SPIDR: variants seen among roughly 807,000 people sequenced by gnomAD.
SPIDR encodes DNA repair-scaffolding protein.
In SPIDR, 93 loss-of-function variants were observed where a neutral mutation model predicts 104.6. The ratio of observed to expected loss-of-function variants is 0.89; its 90% CI spans 0.75 to 1.06. The LOEUF (loss-of-function observed/expected upper bound fraction) is 1.06. Ranked by LOEUF, SPIDR falls within the 50% of genes least tolerant of loss-of-function variation. The pLI is 0.00. For missense variants in SPIDR, 1,154 were observed against 1,111.2 expected (o/e 1.04, Z -0.55); for synonymous variants, 431 against 416.9 (o/e 1.03, Z -0.41).
chr8:47,522,756 G>A (rs1417831777), intron 8 of SPIDR, among the ~76,000 whole-genome samples: 1 of 152,092 alleles, frequency 6.6e-6, no homozygotes, highest in Admixed American at 6.5e-5. Flanking sequence ...AGTTTTTAAT[G>A]CTAAAAGCAT....
intron 16 of SPIDR, among the ~76,000 whole-genome samples, chr8:47,721,716 C>T (rs2083429430): frequency 6.6e-6 from 1 of 152,114 alleles, no homozygotes; most frequent in Non-Finnish European, 1.5e-5. Context: ...ACCTCGTGAT[C>T]CACCCACTTT....
At chr8:47,360,365 C>T (rs1299365267) in intron 5 of SPIDR, among the ~76,000 whole-genome samples, 1 of 151,046 alleles carries the variant, frequency 6.6e-6, no homozygotes, top group Admixed American at 6.6e-5. Context: ...TACTATTTCT[C>T]GGTAGTCCCT....
chr8:47,570,825 G>A (rs2058428490), intron 8 of SPIDR, among the ~76,000 whole-genome samples: 1 of 152,176 alleles, frequency 6.6e-6, no homozygotes, highest in African/African-American at 2.4e-5. Flanking sequence ...GGGTGTGGTG[G>A]CTCACGCCTA....
chr8:47,469,098 A>T lies in SPIDR; in HGVS notation c.1097+28556A>T, dbSNP rs563794392. Among the ~76,000 whole-genome samples, 32 of 152,342 alleles carry T rather than the reference A, an allele frequency of 2.1e-4. No individual in the cohort carries two copies. The South Asian group carries it at 6.4e-3, about 31-fold the overall frequency. On this transcript the variant is annotated intron_variant, in intron 8 of 19. Coordinates refer to ENST00000297423, the MANE Select transcript of SPIDR (RefSeq NM_001080394.4). ...CAACAAGCACATGAAAAAAAGCTGA[A>T]CATCACTTATCATTAGAGAAATGCA...
At chr8:47,667,991 A>G (rs1466563708) in intron 10 of SPIDR, 3 of 152,218 alleles carry the variant, frequency 2.0e-5, no homozygotes, top group African/African-American at 7.2e-5. Flanking sequence ...TATATTACCA[A>G]AATATCTTAA....
intron 5 of SPIDR, among the ~76,000 whole-genome samples, chr8:47,373,809 A>G (rs962941783): frequency 6.6e-6 from 1 of 152,256 alleles, no homozygotes; most frequent in Non-Finnish European, 1.5e-5. Context: ...AATTAAAAAG[A>G]TAAATCAAAT....
intron 3 of SPIDR, among the ~76,000 whole-genome samples, chr8:47,284,975 G>A (rs1466711108): frequency 1.3e-5 from 2 of 152,252 alleles, no homozygotes; most frequent in African/African-American, 4.8e-5. Context: ...GAGGGCTTGT[G>A]ACTTCCGGGA....
intron 10 of SPIDR, among the ~76,000 whole-genome samples, chr8:47,649,666 A>G (rs1349481637): frequency 2.0e-5 from 3 of 152,146 alleles, no homozygotes; most frequent in Admixed American, 2.0e-4. Context: ...AAAACACACA[A>G]AAGTATTTGG....
At chr8:47,437,700 C>A (rs1176989046) in intron 7 of SPIDR, among the ~76,000 whole-genome samples, 3 of 152,098 alleles carry the variant, frequency 2.0e-5, no homozygotes, top group South Asian at 2.1e-4. Context: ...TACCATCTCA[C>A]ACCAGTTAGA....
chr8:47,649,953 A>G (rs897854224), intron 10 of SPIDR, among the ~76,000 whole-genome samples: 3 of 152,220 alleles, frequency 2.0e-5, no homozygotes, highest in Non-Finnish European at 4.4e-5. Flanking sequence ...TAGAAGGGAC[A>G]TACCTCACAG....
At chr8:47,598,722 G>A (rs1322044074) in intron 9 of SPIDR, among the ~76,000 whole-genome samples, 3 of 152,288 alleles carry the variant, frequency 2.0e-5, no homozygotes, top group East Asian at 1.9e-4. Context: ...TGTGGTCCTT[G>A]TTCTTTCACT....
At chr8:47,579,283 T>C (rs1258402501) in intron 8 of SPIDR, among the ~76,000 whole-genome samples, 1 of 152,188 alleles carries the variant, frequency 6.6e-6, no homozygotes, top group Non-Finnish European at 1.5e-5. Flanking sequence ...CACTGAGATA[T>C]CGTAGCCCTT....
chr8:47,329,264 G>C (rs977147648), intron 5 of SPIDR, among the ~76,000 whole-genome samples: 1 of 152,034 alleles, frequency 6.6e-6, no homozygotes, highest in African/African-American at 2.4e-5. Flanking sequence ...GTAGAGATGG[G>C]GTTTCACCGT....
At chr8:47,485,806 A>T (rs562924751) in intron 8 of SPIDR, among the ~76,000 whole-genome samples, 91 of 152,374 alleles carry the variant, frequency 6.0e-4, no homozygotes, top group African/African-American at 2.0e-3. Context: ...GTTACAAGGA[A>T]AACTAACAAA....
At chr8:47,695,376 G>A (rs2079185192) in intron 11 of SPIDR, among the ~76,000 whole-genome samples, 1 of 151,702 alleles carries the variant, frequency 6.6e-6, no homozygotes, top group African/African-American at 2.4e-5. Flanking sequence ...ATACATGCTT[G>A]GTTAAAAAAA....
At chr8:47,500,606 G>C (rs1428362342) in intron 8 of SPIDR, among the ~76,000 whole-genome samples, 2 of 152,190 alleles carry the variant, frequency 1.3e-5, no homozygotes, top group Non-Finnish European at 2.9e-5. Context: ...TGTTCACTCT[G>C]ATGGTAGTTT....
intron 8 of SPIDR, among the ~76,000 whole-genome samples, chr8:47,593,208 G>T (rs1703327821): frequency 6.6e-6 from 1 of 151,776 alleles, no homozygotes; most frequent in Admixed American, 6.6e-5. Flanking sequence ...TTTTTTTTAA[G>T]TCTGTTTTCC....
intron 8 of SPIDR, among the ~76,000 whole-genome samples, chr8:47,491,266 T>C (rs1327038332): frequency 6.6e-6 from 1 of 152,102 alleles, no homozygotes; most frequent in Non-Finnish European, 1.5e-5. Flanking sequence ...AGAATATATA[T>C]TGAATTAAAA....
chr8:47,422,945 A>G (rs2065800875), intron 7 of SPIDR, among the ~76,000 whole-genome samples: 1 of 152,184 alleles, frequency 6.6e-6, no homozygotes, highest in Non-Finnish European at 1.5e-5. Context: ...AGTACATTTC[A>G]GTATAAAAGA....
Sources: gnomAD v4.1 joint callset for allele counts (sites outside exome capture counted in the v4.1 genomes callset) on GRCh38, gnomAD v4.1.1 for gene constraint, MANE v1.5 for transcripts, NCBI Gene and HGNC (gene_info 2026-07-23, HGNC 2026-07-21) for gene names.